Variants in CRYAB observed in about 807,000 individuals in gnomAD.
CRYAB encodes crystallin alpha B, also known as alpha-crystallin B chain.
CRYAB carries 9 observed loss-of-function variants against 12.7 expected under a neutral mutation model. The observed-to-expected ratio is 0.71, with a 90% CI of 0.43 to 1.24. CRYAB has a LOEUF of 1.24. CRYAB is among the 50% of genes most tolerant of loss of function. The probability of loss-of-function intolerance (pLI) is 0.00; values close to 1 mark genes in which losing one functional copy is unlikely to be tolerated. For synonymous variants in CRYAB, 93 were observed against 86.8 expected (o/e 1.07, Z -0.40); for missense variants, 183 against 226.6 (o/e 0.81, Z 1.24).
upstream of CRYAB, among the ~76,000 whole-genome samples, chr11:111,917,050 G>T (rs1965606168): frequency 6.6e-6 from 1 of 152,032 alleles, no homozygotes; most frequent in African/African-American, 2.4e-5. Flanking sequence ...TTGTAGAGAT[G>T]ATGGGTTGTT....
chr11:111,908,760 G>A lies in CRYAB; in HGVS notation c.*4C>T, dbSNP rs374078061. The A allele has an allele frequency of 1.2e-6, 2 of 1,612,084 alleles. No individual in the cohort carries two copies. Among genetic ancestry groups the A allele is most frequent in the African/African-American group, 2.7e-5 (2 of 74,856 alleles). On this transcript the variant is annotated 3_prime_UTR_variant, in exon 3 of 3. Coordinates refer to ENST00000650687, the MANE Select transcript of CRYAB (RefSeq NM_001289808.2). ...TTTAAAAAATGCAATTCAAGAAAGG[G>A]CATCTATTTCTTGGGGGCTGCGGTG...
intron 1 of CRYAB, chr11:111,910,798 T>G (rs1965428781): frequency 2.4e-5 from 9 of 373,980 alleles, no homozygotes; most frequent in Middle Eastern, 8.7e-4. Context: ...GGCCTCTTCT[T>G]CTGGCTCAGG....
At chr11:111,913,489 A>G (rs782583689), upstream of CRYAB, 22 of 1,612,900 alleles carry the variant, frequency 1.4e-5, no homozygotes, top group African/African-American at 4.0e-5. Context: ...CATGGCTACT[A>G]TGTCCGGCCT....
At chr11:111,911,135 G>T (rs1324885476) in intron 1 of CRYAB, among the ~76,000 whole-genome samples, 2 of 152,170 alleles carry the variant, frequency 1.3e-5, no homozygotes, top group Non-Finnish European at 2.9e-5. Flanking sequence ...TCAGGATGAG[G>T]CAGGGCTCTC....
At chr11:111,911,139 G>A (rs992711304) in intron 1 of CRYAB, among the ~76,000 whole-genome samples, 3 of 152,154 alleles carry the variant, frequency 2.0e-5, no homozygotes, top group Middle Eastern at 3.2e-3. Context: ...GATGAGGCAG[G>A]GCTCTCTCCT....
At chr11:111,920,202 AAATAAAATAAAATAG>A (rs1489157114) in intron 1 of CRYAB, among the ~76,000 whole-genome samples, 1 of 151,972 alleles carries the variant, frequency 6.6e-6, no homozygotes, top group Admixed American at 6.6e-5. Flanking sequence ...CTCAAAAATA[AAATAAAATAAAATAG>A]AATAAAATAA....
At chr11:111,917,304 A>T (rs587708709), upstream of CRYAB, among the ~76,000 whole-genome samples, 42 of 152,296 alleles carry the variant, frequency 2.8e-4, no homozygotes, top group African/African-American at 9.9e-4. Context: ...TGGCTTTTGA[A>T]CTGGGAGGAG....
At chr11:111,921,906 C>T (rs754567850) in intron 1 of CRYAB, among the ~76,000 whole-genome samples, 2 of 152,016 alleles carry the variant, frequency 1.3e-5, no homozygotes, top group East Asian at 3.9e-4. Context: ...AATCTTGGCT[C>T]GCTGCAACCT....
upstream of CRYAB, chr11:111,913,768 T>C (rs782167833): frequency 6.2e-7 from 1 of 1,614,154 alleles, no homozygotes; most frequent in South Asian, 1.1e-5. Context: ...CATGATGGCA[T>C]CTTAAACCTG....
upstream of CRYAB, chr11:111,911,900 A>G: frequency 3.3e-6 from 2 of 613,654 alleles, no homozygotes; most frequent in Non-Finnish European, 5.8e-6. Flanking sequence ...TGGCAATGTG[A>G]CACATACCCA....
chr11:111,919,012 G>A (rs782706747), intron 1 of CRYAB: 29 of 1,614,082 alleles, frequency 1.8e-5, no homozygotes, highest in Non-Finnish European at 2.5e-5. Context: ...CTGGTGAGTA[G>A]GCTGGAAGGG....
At chr11:111,913,730 C>G (rs1965547063), upstream of CRYAB, 1 of 1,614,086 alleles carries the variant, frequency 6.2e-7, no homozygotes, top group Non-Finnish European at 8.5e-7. Context: ...CTGATGTCGA[C>G]CCCTGGCGAG....
At chr11:111,912,396 T>A, upstream of CRYAB, 1 of 196,678 alleles carries the variant, frequency 5.1e-6, no homozygotes, top group Non-Finnish European at 1.0e-5. Context: ...TCTCAGAACA[T>A]TAAATCCAGG....
At chr11:111,919,192 T>A (rs1383570036) in intron 1 of CRYAB, 11 of 679,764 alleles carry the variant, frequency 1.6e-5, no homozygotes, top group Admixed American at 1.1e-4. Context: ...CAGAGCCAAG[T>A]GGCTGGGCGC....
chr11:111,920,678 C>T (rs1429302902), intron 1 of CRYAB, among the ~76,000 whole-genome samples: 2 of 152,264 alleles, frequency 1.3e-5, no homozygotes, highest in Admixed American at 1.3e-4. Context: ...GCAGGAGGAT[C>T]ACCTGAGCCC....
chr11:111,911,229 T>C (rs1291804143), intron 1 of CRYAB, among the ~76,000 whole-genome samples: 1 of 152,186 alleles, frequency 6.6e-6, no homozygotes, highest in Non-Finnish European at 1.5e-5. Flanking sequence ...TGAAGGCAGC[T>C]CTTTCCCTGC....
intron 1 of CRYAB, 152 bp from the exon 2 acceptor site, chr11:111,910,601 G>A: frequency 2.0e-6 from 2 of 995,206 alleles, no homozygotes; most frequent in South Asian, 1.4e-5. Flanking sequence ...AATAAACATA[G>A]CTGTCTGCTT....
chr11:111,918,590 C>A, intron 1 of CRYAB: 1 of 608,338 alleles, frequency 1.6e-6, no homozygotes, highest in Non-Finnish European at 3.0e-6. Flanking sequence ...ATTAGGCACT[C>A]ATCTATTATA....
upstream of CRYAB, chr11:111,913,029 T>G: frequency 1.3e-6 from 1 of 787,456 alleles, no homozygotes. Flanking sequence ...TTAACTGATC[T>G]CCTGGGACCA....
Sources: gnomAD v4.1 joint callset for allele counts (sites outside exome capture counted in the v4.1 genomes callset) on GRCh38, gnomAD v4.1.1 for gene constraint, MANE v1.5 for transcripts, NCBI Gene and HGNC (gene_info 2026-07-23, HGNC 2026-07-21) for gene names.